Variants in RNF217 observed in about 807,000 individuals in gnomAD.
The protein encoded by RNF217 is E3 ubiquitin-protein ligase RNF217.
In RNF217, 31 loss-of-function variants were observed where a neutral mutation model predicts 57.8. The observed-to-expected ratio is 0.54, with a 90% CI of 0.40 to 0.72. The LOEUF is 0.72. Ranked by LOEUF, RNF217 falls within the 30% of genes least tolerant of loss-of-function variation. RNF217 has a pLI of 0.00. For missense variants in RNF217, 696 were observed against 708.3 expected (o/e 0.98, Z 0.20); for synonymous variants, 313 against 294.0 (o/e 1.06, Z -0.66).
chr6:124,963,243 G>A lies in RNF217; in HGVS notation c.699G>A (p.Pro233=), dbSNP rs1162975037. Residue 233 remains proline (P), a synonymous_variant, in exon 1 of 6, where the codon CCG becomes CCA. Transcript: ENST00000521654. ...IELEFYLAPE[P]FSMPSLLGAP... is the part of the protein sequence containing the mutation. The stretch of plus-strand genomic sequence containing the variant: ...TGGAGTTCTACCTGGCGCCCGAGCC[G>A]TTCTCCATGCCCAGCCTGTTGGGAG... The A allele has an allele frequency of 6.5e-7, 1 of 1,536,102 alleles. No homozygotes were observed. The highest frequency in any genetic ancestry group is 8.7e-7 in the Non-Finnish European group (1 of 1,146,916).
intron 1 of RNF217, among the ~76,000 whole-genome samples, chr6:124,990,505 A>G (rs1784519576): frequency 6.6e-6 from 1 of 152,194 alleles, no homozygotes; most frequent in East Asian, 1.9e-4. Context: ...TATAGTTTTC[A>G]CCATTTCAGT....
chr6:125,051,111 T>C (rs1039657348), intron 2 of RNF217, among the ~76,000 whole-genome samples: 4 of 151,946 alleles, frequency 2.6e-5, no homozygotes, highest in African/African-American at 7.2e-5. Flanking sequence ...AGACACAATA[T>C]TTTTAGAGGT....
chr6:125,007,729 T>C (rs2114331696), intron 1 of RNF217, among the ~76,000 whole-genome samples: 1 of 152,284 alleles, frequency 6.6e-6, no homozygotes, highest in Non-Finnish European at 1.5e-5. Context: ...CTAATTATTT[T>C]CCACAGACAT....
intron 2 of RNF217, among the ~76,000 whole-genome samples, chr6:125,055,706 C>T (rs1232402101): frequency 6.6e-6 from 1 of 152,264 alleles, no homozygotes; most frequent in East Asian, 1.9e-4. Context: ...ATTAACTTTT[C>T]AGGTGTTCTG....
rs969526266 is a variant in RNF217 at position 125,087,085 on chromosome 6, A to C, written c.*4148A>C. Reference sequence around the variant, plus strand: ...AGAGACAGGAGGGGCCTAAAAACTCACTCTGGTATGTGGGAAACATTAGAA... The same window carrying C: ...AGAGACAGGAGGGGCCTAAAAACTCCCTCTGGTATGTGGGAAACATTAGAA... On this transcript the variant is annotated 3_prime_UTR_variant, in exon 6 of 6. Transcript: ENST00000521654. 1 of 152,044 alleles carries C rather than the reference A, an allele frequency of 6.6e-6. No individual in the cohort carries two copies. Among genetic ancestry groups the C allele is most frequent in the Middle Eastern group, 3.4e-3 (1 of 294 alleles). 9.4% of individuals were successfully genotyped at this position (152,044 alleles called of 1,614,324 possible). A position where few individuals can be genotyped will look rare whatever the true frequency, so the allele number is the denominator to read the frequency against.
chr6:124,962,747 AGCCCGCGAGGAGCCTGGG>A lies in RNF217; in HGVS notation c.208_225del (p.Ala70_Pro75del). 6.3e-7 allele frequency: 1 copy of A among 1,585,188 alleles called. No individual in the cohort carries two copies. Among genetic ancestry groups the A allele is most frequent in the Non-Finnish European group, 8.5e-7 (1 of 1,174,642 alleles). On this transcript the variant is annotated inframe_deletion, in exon 1 of 6. Transcript: ENST00000521654. This position sits in a 1 kb window ranked among gnomAD's most constrained non-coding sequence, Gnocchi z 4.6. The stretch of plus-strand genomic sequence containing the variant: ...GGCTGCGCGGACACCAGCGCCCCAG[AGCCCGCGAGGAGCCTGGG>A]GCCCCCGGGCTGGAGTAAGAGCCGA...
chr6:124,962,970 C>T lies in RNF217; in HGVS notation c.426C>T (p.Ala142=), dbSNP rs765244414. The part of the protein sequence containing the change: ...ELEPRTRVGA[A]DGLVLDVLGQ... The stretch of plus-strand genomic sequence containing the variant: ...AGCCCAGGACCCGCGTGGGGGCCGC[C>T]GACGGACTGGTCCTGGACGTGCTGG... The change falls in exon 1 of 6, where the codon GCC becomes GCT. Residue 142 remains alanine, a synonymous_variant. Coordinates refer to ENST00000521654, the MANE Select transcript of RNF217 (RefSeq NM_001286398.3). This position sits in a 1 kb window ranked among gnomAD's most constrained non-coding sequence, Gnocchi z 4.6. 1.9e-6 allele frequency: 3 copies of T among 1,597,182 alleles called. No homozygotes were observed. The highest frequency in any genetic ancestry group is 1.7e-6 in the Non-Finnish European group (2 of 1,179,326).
intron 1 of RNF217, among the ~76,000 whole-genome samples, chr6:124,990,988 C>A (rs745698601): frequency 1.3e-5 from 2 of 152,108 alleles, no homozygotes; most frequent in African/African-American, 4.8e-5. Flanking sequence ...GATCACATGA[C>A]CCCAGGATTT....
At chr6:125,067,423 A>G (rs184536707) in intron 3 of RNF217, among the ~76,000 whole-genome samples, 2 of 152,250 alleles carry the variant, frequency 1.3e-5, no homozygotes, top group South Asian at 2.1e-4. Flanking sequence ...AATAATGACA[A>G]TATGAACTAG....
chr6:125,024,356 G>A (rs888152979), intron 1 of RNF217, among the ~76,000 whole-genome samples: 14 of 152,108 alleles, frequency 9.2e-5, no homozygotes, highest in Non-Finnish European at 1.5e-4. Flanking sequence ...GCTGAGGCAG[G>A]CGGATCACCT....
At chr6:125,003,725 T>TA (rs1785068362) in intron 1 of RNF217, among the ~76,000 whole-genome samples, 1 of 152,146 alleles carries the variant, frequency 6.6e-6, no homozygotes, top group Admixed American at 6.5e-5. Flanking sequence ...TTGTCAATTT[T>TA]AAAAATACAG....
intron 1 of RNF217, among the ~76,000 whole-genome samples, chr6:125,022,259 C>T (rs1785874040): frequency 6.6e-6 from 1 of 152,140 alleles, no homozygotes; most frequent in Non-Finnish European, 1.5e-5. Context: ...TTTCTATTCT[C>T]CCTCAAAACA....
chr6:125,027,865 T>G (rs1562475413), intron 1 of RNF217, among the ~76,000 whole-genome samples: 1 of 152,182 alleles, frequency 6.6e-6, no homozygotes, highest in Non-Finnish European at 1.5e-5. Flanking sequence ...GGTGAGACGG[T>G]ATCTCTTGTA....
chr6:124,962,673 G>C lies in RNF217; in HGVS notation c.129G>C (p.Leu43=). The change falls in exon 1 of 6, where the codon CTG becomes CTC. Residue 43 remains leucine (L), a synonymous_variant. Transcript: ENST00000521654. This position sits in a 1 kb window ranked among gnomAD's most constrained non-coding sequence, Gnocchi z 4.6. ...GGGACAGCGCCCGGGCGCCCCCGCTGCGCGCCGCCTCCGCGGAGCCGAGCG... is the reference window on the plus strand; with the variant it reads ...GGGACAGCGCCCGGGCGCCCCCGCTCCGCGCCGCCTCCGCGGAGCCGAGCG... ...PQGDSARAPP[L]RAASAEPSGG... 7.4e-7 allele frequency: 1 copy of C among 1,342,964 alleles called. No homozygotes were observed. The highest frequency in any genetic ancestry group is 9.4e-7 in the Non-Finnish European group (1 of 1,058,602). The allele number at this position is 1,342,964 out of a possible 1,614,324, so 83.2% of individuals were successfully genotyped here.
chr6:125,044,036 G>A (rs777436147), intron 1 of RNF217, among the ~76,000 whole-genome samples: 5 of 148,908 alleles, frequency 3.4e-5, no homozygotes, highest in Non-Finnish European at 5.9e-5. Flanking sequence ...AAATAGCAAT[G>A]TTAAAAGTTA....
chr6:125,061,371 AT>A (rs1307474832), intron 3 of RNF217, among the ~76,000 whole-genome samples: 3 of 151,554 alleles, frequency 2.0e-5, no homozygotes, highest in African/African-American at 4.8e-5. Flanking sequence ...ATTTTAAAAT[AT>A]TTTTTCTTGT....
In RNF217 at chr6:125,085,360, T is replaced by C. The variant is rs1788742438; in HGVS notation, c.*2423T>C. 1 of 151,878 alleles carries C rather than the reference T, an allele frequency of 6.6e-6. No homozygotes were observed. Among genetic ancestry groups the C allele is most frequent in the Non-Finnish European group, 1.5e-5 (1 of 67,820 alleles). The allele number at this position is 151,878 out of a possible 1,614,324, so 9.4% of individuals were successfully genotyped here. On this transcript the variant is annotated 3_prime_UTR_variant, in exon 6 of 6. Transcript: ENST00000521654. ...TTCTATTGAGTAGATATTTTTAAATTAACATACACATTTTTCTCTTTAAAG... is the reference window on the plus strand; with the variant it reads ...TTCTATTGAGTAGATATTTTTAAATCAACATACACATTTTTCTCTTTAAAG...
At chr6:124,986,357 AC>A (rs1784363885) in intron 1 of RNF217, among the ~76,000 whole-genome samples, 1 of 152,178 alleles carries the variant, frequency 6.6e-6, no homozygotes, top group South Asian at 2.1e-4. Flanking sequence ...AGGGAGGGCA[AC>A]CATCAGGCAA....
In RNF217 at chr6:125,088,962, T is replaced by C. The variant is rs1178400157; in HGVS notation, c.*6025T>C. ...TTGCCTCTGCAGTCTTCTTCCCATCTTGGCCAAGTGTGGGATAAATTCTGT... is the reference window on the plus strand; with the variant it reads ...TTGCCTCTGCAGTCTTCTTCCCATCCTGGCCAAGTGTGGGATAAATTCTGT... On this transcript the variant is annotated 3_prime_UTR_variant, in exon 6 of 6. Coordinates refer to ENST00000521654, the MANE Select transcript of RNF217 (RefSeq NM_001286398.3). 6.6e-6 allele frequency: 1 copy of C among 152,648 alleles called. No homozygotes were observed. Among genetic ancestry groups the C allele is most frequent in the Admixed American group, 6.5e-5 (1 of 15,274 alleles). The allele number at this position is 152,648 out of a possible 1,614,324, so 9.5% of individuals were successfully genotyped here.
Sources: gnomAD v4.1 joint callset for allele counts (sites outside exome capture counted in the v4.1 genomes callset) on GRCh38, gnomAD v4.1.1 for gene constraint, Gnocchi (gnomAD v3.1) non-coding constraint, MANE v1.5 for transcripts, NCBI Gene and HGNC (gene_info 2026-07-23, HGNC 2026-07-21) for gene names.